GFOD1: variants seen among roughly 807,000 people sequenced by gnomAD.
GFOD1 encodes the protein glucose-fructose oxidoreductase domain-containing protein 1.
Under a neutral mutation model 25.4 loss-of-function variants are expected in GFOD1, and 9 were observed. The observed-to-expected ratio is 0.35, with a 90% CI of 0.21 to 0.62. The LOEUF (loss-of-function observed/expected upper bound fraction) is 0.62. Among genes scored for constraint, GFOD1 ranks in the 20% least tolerant of loss-of-function variants. GFOD1 has a pLI of 0.72. For missense variants in GFOD1, 403 were observed against 556.9 expected, an observed-to-expected ratio of 0.72 and a Z score of 2.78; for synonymous variants, 253 against 245.6, an observed-to-expected ratio of 1.03 and a Z score of -0.28.
Position 13,358,062 on chromosome 6 carries a change from C to T in GFOD1, c.*6681G>A, listed in dbSNP as rs1037325642. The T allele has an allele frequency of 1.3e-5, 2 of 152,192 alleles. No homozygotes were observed. The highest frequency in any genetic ancestry group is 4.8e-5 in the African/African-American group (2 of 41,460). The allele number at this position is 152,192 out of a possible 1,614,324, so 9.4% of individuals were successfully genotyped here. A position where few individuals can be genotyped will look rare whatever the true frequency, so the allele number is the denominator to read the frequency against. On this transcript the variant is annotated 3_prime_UTR_variant, in exon 2 of 2. Coordinates refer to ENST00000379287, the MANE Select transcript of GFOD1 (RefSeq NM_018988.4). ...GCCCGCAGGGAGGGCCGCCTCCCAG[C>T]TTCCACAGTAGTTTGGCCTTAAAAA...
chr6:13,407,975 G>T (rs1785978394), intron 1 of GFOD1: 1 of 985,394 alleles, frequency 1.0e-6, no homozygotes, highest in African/African-American at 1.7e-5. Context: ...TCTCTTCTTG[G>T]GTCAGCACCC....
intron 1 of GFOD1, among the ~76,000 whole-genome samples, chr6:13,390,764 A>AGG: frequency 9.8e-6 from 1 of 102,472 alleles, no homozygotes; most frequent in African/African-American, 7.1e-5. Flanking sequence ...AGAGAGAAAG[A>AGG]GAGAGAGAGA....
At chr6:13,424,842 A>G (rs1786324459) in intron 1 of GFOD1, among the ~76,000 whole-genome samples, 1 of 152,180 alleles carries the variant, frequency 6.6e-6, no homozygotes, top group Non-Finnish European at 1.5e-5. Flanking sequence ...GGGACAAATC[A>G]TATAAACATT....
Position 13,360,735 on chromosome 6 carries a change from G to T in GFOD1, c.*4008C>A, listed in dbSNP as rs1784933882. On this transcript the variant is annotated 3_prime_UTR_variant, in exon 2 of 2. Coordinates refer to ENST00000379287, the MANE Select transcript of GFOD1 (RefSeq NM_018988.4). ...ATCAGATGTTGCATCCTGCTGAACA[G>T]GAGGGTGCTGACAGCAGGCTGAGTG... The T allele has an allele frequency of 2.2e-6, 1 of 456,674 alleles. No individual in the cohort carries two copies. The highest frequency in any genetic ancestry group is 2.3e-5 in the Admixed American group (1 of 42,570). 28.3% of individuals were successfully genotyped at this position (456,674 alleles called of 1,614,324 possible). A position where few individuals can be genotyped will look rare whatever the true frequency, so the allele number is the denominator to read the frequency against.
At chr6:13,373,811 A>C (rs368735662) in intron 1 of GFOD1, among the ~76,000 whole-genome samples, 32 of 151,354 alleles carry the variant, frequency 2.1e-4, no homozygotes, top group African/African-American at 7.3e-4. Flanking sequence ...GAAACTGCAA[A>C]AGAAGTGGAA....
chr6:13,429,900 T>C (rs1757719266), intron 1 of GFOD1, among the ~76,000 whole-genome samples: 1 of 152,230 alleles, frequency 6.6e-6, no homozygotes, highest in Non-Finnish European at 1.5e-5. Context: ...TAGAGTGGTA[T>C]GGCAGGTTGT....
At chr6:13,479,920 T>C (rs1035228540) in intron 1 of GFOD1, among the ~76,000 whole-genome samples, 6 of 152,206 alleles carry the variant, frequency 3.9e-5, no homozygotes, top group Non-Finnish European at 7.3e-5. Flanking sequence ...AAGCAAGAAC[T>C]GGAAATGCAG....
chr6:13,442,096 C>A (rs1352653371), intron 1 of GFOD1, among the ~76,000 whole-genome samples: 1 of 152,202 alleles, frequency 6.6e-6, no homozygotes, highest in Non-Finnish European at 1.5e-5. Context: ...ACGGAGAGAG[C>A]ATGCAAACTC....
Position 13,462,265 on chromosome 6 carries a change from A to C in GFOD1, c.253+24373T>G, listed in dbSNP as rs952849974. Among the ~76,000 whole-genome samples, 9 of 152,356 alleles carry C rather than the reference A, an allele frequency of 5.9e-5. No homozygotes were observed. The East Asian group carries it at 1.7e-3, about 29-fold the overall frequency. On this transcript the variant is annotated intron_variant, in intron 1 of 1. Transcript: ENST00000379287. The stretch of plus-strand genomic sequence containing the variant: ...ATTATCTCTATACAGAGAGAATAAG[A>C]AGCAAACAAGGACCTCGCAACCTTG...
intron 1 of GFOD1, among the ~76,000 whole-genome samples, chr6:13,395,869 G>GC (rs892595416): frequency 2.0e-5 from 3 of 152,206 alleles, no homozygotes; most frequent in African/African-American, 7.2e-5. Flanking sequence ...GGCCGTGGTA[G>GC]CCCCAGTCCA....
Position 13,364,839 on chromosome 6 carries a change from C to T in GFOD1, c.1077G>A (p.Trp359Ter), listed in dbSNP as rs763007343. The T allele has an allele frequency of 6.2e-7, 1 of 1,614,054 alleles. No homozygotes were observed. The change falls in exon 2 of 2, where the codon TGG becomes TGA. Residue 359 changes from tryptophan to a stop codon, truncating the protein, a stop_gained. Coordinates refer to ENST00000379287, the MANE Select transcript of GFOD1 (RefSeq NM_018988.4). LOFTEE classifies it high-confidence loss of function. The surrounding 1 kb of genome is among the most constrained non-coding windows in gnomAD (Gnocchi z 4.1). ...TIKRSSQTGE[W>*]QNIAIMTEEP... Reference sequence around the variant, plus strand: ...CCTCGGTCATGATGGCAATGTTCTGCCACTCGCCCGTCTGGCTGGACCTCT... The same window carrying T: ...CCTCGGTCATGATGGCAATGTTCTGTCACTCGCCCGTCTGGCTGGACCTCT...
intron 1 of GFOD1, among the ~76,000 whole-genome samples, chr6:13,482,167 A>C (rs1240689933): frequency 1.3e-5 from 2 of 148,840 alleles, no homozygotes; most frequent in Non-Finnish European, 3.0e-5. Context: ...ATATGTATAT[A>C]TACAAATGTG....
At chr6:13,451,655 A>T (rs1282499874) in intron 1 of GFOD1, among the ~76,000 whole-genome samples, 1 of 152,214 alleles carries the variant, frequency 6.6e-6, no homozygotes, top group Non-Finnish European at 1.5e-5. Flanking sequence ...GCCCCAGGCA[A>T]ACAGGATGCA....
intron 1 of GFOD1, among the ~76,000 whole-genome samples, chr6:13,421,819 G>A (rs946286721): frequency 5.3e-5 from 8 of 152,196 alleles, no homozygotes; most frequent in Non-Finnish European, 1.0e-4. Context: ...TGCCTACGGA[G>A]GATCTCTAGT....
chr6:13,466,565 C>T (rs1299501118), intron 1 of GFOD1, among the ~76,000 whole-genome samples: 2 of 152,312 alleles, frequency 1.3e-5, no homozygotes, highest in African/African-American at 4.8e-5. Flanking sequence ...CACCTCCCTC[C>T]CTGTGGCCTC....
rs1390244913 is a variant in GFOD1, at chr6:13,430,686, G to A, written c.253+55952C>T. Among the ~76,000 whole-genome samples the A allele has an allele frequency of 2.0e-5, 3 of 151,992 alleles. No individual in the cohort carries two copies. The highest frequency in any genetic ancestry group is 4.2e-4 in the South Asian group (2 of 4,810). On this transcript the variant is annotated intron_variant, in intron 1 of 1. Transcript: ENST00000379287. The surrounding 1 kb of genome is among the most constrained non-coding windows in gnomAD (Gnocchi z 4.1). ...CCTATGGCAGGAGTAGTGGGACAGC[G>A]GGTAGGGAAAAGTATCCTTGTGGCC...
chr6:13,403,959 C>T (rs1785897888), intron 1 of GFOD1, among the ~76,000 whole-genome samples: 1 of 152,092 alleles, frequency 6.6e-6, no homozygotes, highest in Non-Finnish European at 1.5e-5. Context: ...GGTTGTACAA[C>T]TCTGTGAATA....
At chr6:13,397,159 G>C (rs375046876) in intron 1 of GFOD1, among the ~76,000 whole-genome samples, 2 of 152,218 alleles carry the variant, frequency 1.3e-5, no homozygotes, top group East Asian at 3.9e-4. Flanking sequence ...CAGTGGTCTC[G>C]AACTCCTGGA....
At chr6:13,469,408 C>T in intron 1 of GFOD1, 1 of 985,196 alleles carries the variant, frequency 1.0e-6, no homozygotes, top group African/African-American at 1.7e-5. Context: ...AGTCCCCAGG[C>T]TATTGTCTCC....
Sources: gnomAD v4.1 joint callset for allele counts (sites outside exome capture counted in the v4.1 genomes callset) on GRCh38, gnomAD v4.1.1 for gene constraint, Gnocchi (gnomAD v3.1) non-coding constraint, MANE v1.5 for transcripts, NCBI Gene and HGNC (gene_info 2026-07-23, HGNC 2026-07-21) for gene names.